The following MUC7 variants were observed in gnomAD, a reference collection of about 807,000 sequenced individuals.
MUC7 encodes mucin 7, secreted.
Under a neutral mutation model 2.5 loss-of-function variants are expected in MUC7, and 2 were observed. The observed-to-expected ratio is 0.81, with a 90% confidence interval of 0.33 to 2.55. MUC7 has a LOEUF of 2.55. Ranked by LOEUF, MUC7 falls within the 30% of genes most tolerant of loss-of-function variation. The pLI is 0.11. For missense variants in MUC7, 408 were observed against 455.6 expected (o/e 0.90, Z 0.95); for synonymous variants, 133 against 173.4 (o/e 0.77, Z 1.83).
At chr4:70,453,342 G>A (rs921819234) in intron 1 of MUC7, among the ~76,000 whole-genome samples, 20 of 152,206 alleles carry the variant, frequency 1.3e-4, no homozygotes, top group Non-Finnish European at 2.4e-4. Context: ...CTCAAACCAC[G>A]AAATGCAGTC....
intron 1 of MUC7, 83 bp from the exon 2 acceptor site, chr4:70,473,924 A>G: frequency 3.0e-6 from 3 of 1,008,448 alleles, no homozygotes; most frequent in Non-Finnish European, 4.5e-6. Context: ...TGTACTTTCT[A>G]ATAAAAATAA....
chr4:70,458,808 AT>A lies in MUC7; in HGVS notation c.-92-13405del, dbSNP rs761128550. On this transcript the variant is annotated intron_variant, in intron 1 of 3. Transcript: ENST00000413702. ...CTGCATGCTATTTGCTAGAAACATG[AT>A]TATAAGAAAAACAGACAAAGTTATT... Among the ~76,000 whole-genome samples the A allele has an allele frequency of 8.2e-4, 125 of 152,212 alleles. 1 individual carries two copies. The highest frequency in any genetic ancestry group is 6.9e-3 in the Middle Eastern group (2 of 288).
chr4:70,451,531 C>A (rs1734281165), intron 1 of MUC7, among the ~76,000 whole-genome samples: 1 of 152,114 alleles, frequency 6.6e-6, no homozygotes, highest in South Asian at 2.1e-4. Flanking sequence ...TCTTGCTCTG[C>A]CTCTTGGTTT....
At chr4:70,437,123 C>T (rs1417713972) in intron 1 of MUC7, among the ~76,000 whole-genome samples, 17 of 152,120 alleles carry the variant, frequency 1.1e-4, no homozygotes, top group African/African-American at 2.7e-4. Flanking sequence ...CAGCCCCTAC[C>T]GGGAGATGTC....
chr4:70,462,556 C>A (rs1227037271), intron 1 of MUC7, among the ~76,000 whole-genome samples: 1 of 152,152 alleles, frequency 6.6e-6, no homozygotes, highest in Non-Finnish European at 1.5e-5. Flanking sequence ...GATATTAGAA[C>A]TGATCATGCA....
At chr4:70,461,783 A>G (rs578061022) in intron 1 of MUC7, among the ~76,000 whole-genome samples, 1 of 151,960 alleles carries the variant, frequency 6.6e-6, no homozygotes, top group Non-Finnish European at 1.5e-5. Flanking sequence ...CCAAAAGGAT[A>G]TAATAAAGGT....
At chr4:70,435,670 T>G (rs1185086553) in intron 1 of MUC7, among the ~76,000 whole-genome samples, 2 of 152,176 alleles carry the variant, frequency 1.3e-5, no homozygotes, top group South Asian at 4.1e-4. Context: ...TGCCAGTCTA[T>G]TCTTTTAATT....
chr4:70,433,793 A>T (rs1353957037), intron 1 of MUC7, among the ~76,000 whole-genome samples: 2 of 152,050 alleles, frequency 1.3e-5, no homozygotes, highest in African/African-American at 4.8e-5. Context: ...GGGTATCCCC[A>T]TCTTGTGCCA....
rs80342064 is a variant in MUC7, at chr4:70,481,412, C to A, written c.668C>A (p.Pro223Gln). The A allele has an allele frequency of 5.0e-6, 8 of 1,607,350 alleles. No individual in the cohort carries two copies. In the African/African-American group the frequency reaches 5.6e-5, roughly 11 times the overall value. ...AAPPTPPATT[P>Q]APPSSSAPPE... ...CCACCCACACCTCCTGCAACTACAC[C>A]AGCTCCACCATCTTCCTCAGCTCCA... The change falls in exon 3 of 3, where the codon CCA becomes CAA. Residue 223 changes from proline (P) to glutamine (Q), a missense_variant. By Grantham distance (76) the Pro-to-Gln change is moderately conservative (BLOSUM62 -1). Transcript: ENST00000304887.
At chr4:70,465,460 G>A (rs987748679) in intron 1 of MUC7, among the ~76,000 whole-genome samples, 3 of 152,042 alleles carry the variant, frequency 2.0e-5, no homozygotes, top group African/African-American at 7.2e-5. Context: ...TGAGCTAAAG[G>A]AGCATGTTCT....
At chr4:70,444,874 A>G (rs1343385726) in intron 1 of MUC7, among the ~76,000 whole-genome samples, 1 of 152,086 alleles carries the variant, frequency 6.6e-6, no homozygotes, top group East Asian at 1.9e-4. Flanking sequence ...CAACATGGTG[A>G]AACCCAATTT....
chr4:70,469,896 T>C (rs1323142225), upstream of MUC7, among the ~76,000 whole-genome samples: 1 of 152,174 alleles, frequency 6.6e-6, no homozygotes, highest in Admixed American at 6.5e-5. Context: ...GACCCAGCAA[T>C]GCCATTACCG....
chr4:70,436,345 C>T (rs761776872), intron 1 of MUC7, among the ~76,000 whole-genome samples: 40 of 152,144 alleles, frequency 2.6e-4, no homozygotes, highest in African/African-American at 8.0e-4. Context: ...ACCAATCAAA[C>T]GTAGATTTGG....
chr4:70,452,054 AT>A (rs1380739171), intron 1 of MUC7, among the ~76,000 whole-genome samples: 13 of 152,054 alleles, frequency 8.5e-5, no homozygotes, highest in Non-Finnish European at 1.8e-4. Context: ...CTGGAAATCT[AT>A]TTTTTCTGAT....
intron 2 of MUC7, among the ~76,000 whole-genome samples, chr4:70,480,450 C>T (rs1735131500): frequency 2.0e-5 from 3 of 152,168 alleles, no homozygotes; most frequent in Admixed American, 6.6e-5. Flanking sequence ...AAGCAGGAAG[C>T]TTTTGTGATG....
chr4:70,442,495 A>G (rs1734033509), intron 1 of MUC7, among the ~76,000 whole-genome samples: 1 of 152,152 alleles, frequency 6.6e-6, no homozygotes, highest in Non-Finnish European at 1.5e-5. Context: ...CTCCAGGCCA[A>G]ACATCCTCCT....
At chr4:70,468,289 C>T (rs1734732967), upstream of MUC7, among the ~76,000 whole-genome samples, 2 of 152,150 alleles carry the variant, frequency 1.3e-5, no homozygotes, top group South Asian at 4.1e-4. Flanking sequence ...GACAAACCCA[C>T]AGCCAATATC....
At chr4:70,452,204 C>T (rs1734296241) in intron 1 of MUC7, among the ~76,000 whole-genome samples, 4 of 152,174 alleles carry the variant, frequency 2.6e-5, no homozygotes, top group South Asian at 2.1e-4. Context: ...TTCTCATCCA[C>T]TCAGCAATTC....
chr4:70,456,318 G>T (rs1449518166), intron 1 of MUC7, among the ~76,000 whole-genome samples: 1 of 152,110 alleles, frequency 6.6e-6, no homozygotes, highest in African/African-American at 2.4e-5. Flanking sequence ...GAATTGAACT[G>T]ATAATAAGCA....
Sources: allele counts gnomAD v4.1 joint callset (sites outside exome capture counted in the v4.1 genomes callset), GRCh38; gene constraint gnomAD v4.1.1; transcripts MANE v1.5; gene names NCBI Gene and HGNC (gene_info 2026-07-23, HGNC 2026-07-21).